Variants in PIK3C2G observed in about 807,000 individuals in gnomAD.
PIK3C2G encodes phosphatidylinositol 3-kinase C2 domain-containing subunit gamma.
Under a neutral mutation model 181.1 loss-of-function variants are expected in PIK3C2G, and 168 were observed. The observed-to-expected ratio is 0.93, with a 90% CI of 0.82 to 1.05. The LOEUF (loss-of-function observed/expected upper bound fraction) is 1.05. Ranked by LOEUF, PIK3C2G falls within the 50% of genes least tolerant of loss-of-function variation. The pLI, the probability that PIK3C2G is intolerant of heterozygous loss-of-function variation, is 0.00. For synonymous variants in PIK3C2G, 573 were observed against 592.2 expected (o/e 0.97, Z 0.47); for missense variants, 1,869 against 1,732.8 (o/e 1.08, Z -1.40).
chr12:18,665,048 C>A, the PIK3C2G span, among the ~76,000 whole-genome samples: 1 of 150,032 alleles, frequency 6.7e-6, no homozygotes, highest in Non-Finnish European at 1.5e-5. Flanking sequence ...AGGAAATATA[C>A]CTAATGCTAA....
intron 1 of PIK3C2G, among the ~76,000 whole-genome samples, chr12:18,281,667 A>G (rs963464988): frequency 6.6e-6 from 1 of 152,066 alleles, no homozygotes. Context: ...GCATGCCAAC[A>G]TGCTTATAGA....
At chr12:18,622,752 G>C (rs1054392164) in intron 31 of PIK3C2G, among the ~76,000 whole-genome samples, 10 of 151,772 alleles carry the variant, frequency 6.6e-5, no homozygotes, top group African/African-American at 2.4e-4. Context: ...ATTCTAACAG[G>C]TGTAAGGTGA....
At chr12:18,618,104 AC>A (rs982637917) in intron 31 of PIK3C2G, among the ~76,000 whole-genome samples, 118 of 152,108 alleles carry the variant, frequency 7.8e-4, no homozygotes, top group African/African-American at 2.8e-3. Context: ...CGTTTTCTCT[AC>A]TTTTTTTTTT....
chr12:18,291,047 A>C, intron 4 of PIK3C2G, 35 bp downstream of exon 4: 2 of 1,410,474 alleles, frequency 1.4e-6, no homozygotes, highest in Non-Finnish European at 2.0e-6. Context: ...ACAAATCTAT[A>C]CAAAGCTGGT....
In PIK3C2G at chr12:18,371,292, C is replaced by T; in HGVS notation, c.1861C>T (p.Leu621Phe). Residue 621 changes from leucine (L) to phenylalanine (F), a missense_variant, in exon 13 of 33, where the codon CTT (leucine) becomes TTT (phenylalanine). By Grantham distance (22) the Leu-to-Phe change is conservative (BLOSUM62 0). Coordinates refer to ENST00000538779, the MANE Select transcript of PIK3C2G (RefSeq NM_001288772.2). ...TGCAAATTTACTGGCGTGGACTTGTCTTCCACTGTTTCCAAAAGAGTAAGT... is the reference window on the plus strand; with the variant it reads ...TGCAAATTTACTGGCGTGGACTTGTTTTCCACTGTTTCCAAAAGAGTAAGT... ...NNANLLAWTC[L>F]PLFPKEKSIL... is the part of the protein sequence containing the mutation. 1.2e-6 allele frequency: 2 copies of T among 1,609,488 alleles called. No individual in the cohort carries two copies. The highest frequency in any genetic ancestry group is 1.7e-6 in the Non-Finnish European group (2 of 1,177,866).
chr12:18,430,514 C>T (rs1946095542), intron 18 of PIK3C2G, among the ~76,000 whole-genome samples: 2 of 152,158 alleles, frequency 1.3e-5, no homozygotes, highest in African/African-American at 4.8e-5. Context: ...GTACCTAGAA[C>T]AGTACTTGGC....
intron 5 of PIK3C2G, 132 bp from the exon 6 acceptor site, chr12:18,313,822 ACACACACG>A (rs1291418814): frequency 1.8e-6 from 1 of 545,636 alleles, no homozygotes; most frequent in Non-Finnish European, 3.2e-6. Context: ...ACACACACAC[ACACACACG>A]CACACACACG....
At chr12:18,669,188 A>G in the PIK3C2G span, among the ~76,000 whole-genome samples, 1 of 152,134 alleles carries the variant, frequency 6.6e-6, no homozygotes, top group African/African-American at 2.4e-5. Context: ...CACACAAAAG[A>G]AGTTGAGTAA....
At chr12:18,386,130 T>A (rs574381356) in intron 14 of PIK3C2G, among the ~76,000 whole-genome samples, 1 of 152,226 alleles carries the variant, frequency 6.6e-6, no homozygotes, top group Non-Finnish European at 1.5e-5. Context: ...CTCGGTTATC[T>A]CCTTCCACTG....
At chr12:18,539,444 A>T (rs143584004) in intron 25 of PIK3C2G, among the ~76,000 whole-genome samples, 4 of 151,908 alleles carry the variant, frequency 2.6e-5, no homozygotes, top group African/African-American at 4.8e-5. Flanking sequence ...TTATGTTATT[A>T]TACTAGATCC....
chr12:18,393,541 A>C (rs1038834403), intron 15 of PIK3C2G, among the ~76,000 whole-genome samples: 2 of 152,076 alleles, frequency 1.3e-5, no homozygotes, highest in Admixed American at 6.6e-5. Flanking sequence ...TGAAAAAAAA[A>C]CTTCTTGATG....
At chr12:18,373,970 C>A (rs540691777) in intron 13 of PIK3C2G, among the ~76,000 whole-genome samples, 1 of 152,134 alleles carries the variant, frequency 6.6e-6, no homozygotes, top group African/African-American at 2.4e-5. Context: ...CACAATGTAG[C>A]GAGAAAGTGT....
intron 2 of PIK3C2G, among the ~76,000 whole-genome samples, chr12:18,283,718 A>G (rs1949320478): frequency 6.6e-6 from 1 of 152,198 alleles, no homozygotes; most frequent in Non-Finnish European, 1.5e-5. Flanking sequence ...TAGCACCTCA[A>G]AGGATCTAAA....
chr12:18,497,893 G>A, intron 22 of PIK3C2G, 145 bp downstream of exon 22: 1 of 503,688 alleles, frequency 2.0e-6, no homozygotes, highest in Non-Finnish European at 3.2e-6. Flanking sequence ...TTTTTTTAAA[G>A]AATTATTTTC....
chr12:18,520,962 T>G (rs898840929), intron 24 of PIK3C2G, among the ~76,000 whole-genome samples: 2 of 152,102 alleles, frequency 1.3e-5, no homozygotes, highest in Non-Finnish European at 2.9e-5. Flanking sequence ...GTTGTTGCAT[T>G]CTGTTTGTTT....
intron 18 of PIK3C2G, among the ~76,000 whole-genome samples, chr12:18,429,303 C>G (rs1422432642): frequency 6.6e-6 from 1 of 152,140 alleles, no homozygotes; most frequent in Non-Finnish European, 1.5e-5. Flanking sequence ...CACAGCCCTG[C>G]TTACACCCTG....
At chr12:18,303,114 C>CTT (rs75069930) in intron 5 of PIK3C2G, among the ~76,000 whole-genome samples, 1 of 126,120 alleles carries the variant, frequency 7.9e-6, no homozygotes, top group Admixed American at 8.3e-5. Flanking sequence ...TTCTTTCTTT[C>CTT]CTTCTTTCTT....
chr12:18,334,803 G>A (rs1165950470), intron 8 of PIK3C2G, among the ~76,000 whole-genome samples: 2 of 152,068 alleles, frequency 1.3e-5, no homozygotes, highest in Non-Finnish European at 2.9e-5. Flanking sequence ...CATAGGGTTT[G>A]TAAATTTTAA....
At chr12:18,353,545 T>A (rs1940431138) in intron 11 of PIK3C2G, among the ~76,000 whole-genome samples, 1 of 152,186 alleles carries the variant, frequency 6.6e-6, no homozygotes, top group African/African-American at 2.4e-5. Flanking sequence ...AGTCAACAGG[T>A]GCACCTTGAG....
Sources: gnomAD v4.1 joint callset for allele counts (sites outside exome capture counted in the v4.1 genomes callset) on GRCh38, gnomAD v4.1.1 for gene constraint, MANE v1.5 for transcripts, NCBI Gene and HGNC (gene_info 2026-07-23, HGNC 2026-07-21) for gene names.